Variants in CCDC171 observed in about 807,000 individuals in gnomAD.
CCDC171 encodes coiled-coil domain containing 171.
Under a neutral mutation model 168.2 loss-of-function variants are expected in CCDC171, and 177 were observed. The ratio of observed to expected loss-of-function variants is 1.05; its 90% CI spans 0.93 to 1.19. CCDC171 has a LOEUF of 1.19. CCDC171 is among the 50% of genes most tolerant of loss of function. CCDC171 has a pLI of 0.00. For synonymous variants in CCDC171, 687 were observed against 540.8 expected (o/e 1.27, Z -3.75); for missense variants, 1,991 against 1,539.0 (o/e 1.29, Z -4.91).
chr9:15,642,911 C>T (rs10810419), intron 7 of CCDC171, among the ~76,000 whole-genome samples: 68,925 of 151,864 alleles, frequency 0.45, 15,934 homozygotes, highest in Non-Finnish European at 0.51. Flanking sequence ...CTTGAATTTT[C>T]GATTCATTAT....
At chr9:15,677,723 T>C (rs1356596619) in intron 9 of CCDC171, among the ~76,000 whole-genome samples, 1 of 149,628 alleles carries the variant, frequency 6.7e-6, no homozygotes, top group Admixed American at 6.7e-5. Context: ...TACATATATA[T>C]TTTTTCTCCC....
the CCDC171 span, among the ~76,000 whole-genome samples, chr9:16,099,847 G>A: frequency 6.6e-6 from 1 of 152,182 alleles, no homozygotes. Flanking sequence ...ACAAGTTAGT[G>A]CATGTTGGCC....
intron 25 of CCDC171, among the ~76,000 whole-genome samples, chr9:15,930,408 A>T (rs1826372593): frequency 6.6e-6 from 1 of 151,654 alleles, no homozygotes; most frequent in East Asian, 1.9e-4. Context: ...TTTCCTAAAA[A>T]AAAAAGACAA....
intron 9 of CCDC171, among the ~76,000 whole-genome samples, chr9:15,673,656 A>G (rs1359559412): frequency 2.0e-5 from 3 of 152,146 alleles, no homozygotes; most frequent in African/African-American, 4.8e-5. Flanking sequence ...ACATTTATTC[A>G]TTTGCATATA....
chr9:15,648,755 A>G (rs1198397031), intron 7 of CCDC171, among the ~76,000 whole-genome samples: 7 of 152,186 alleles, frequency 4.6e-5, no homozygotes, highest in African/African-American at 1.7e-4. Flanking sequence ...AGAGGATACA[A>G]ACAAATGGAA....
chr9:15,604,463 T>C (rs1025746534), intron 6 of CCDC171, among the ~76,000 whole-genome samples: 3 of 152,216 alleles, frequency 2.0e-5, no homozygotes, highest in African/African-American at 7.2e-5. Flanking sequence ...AAGATGAATA[T>C]ATATGTTTTC....
At chr9:15,563,956 G>T (rs541598890) in intron 1 of CCDC171, 22 bp from the exon 2 acceptor site, 5 of 670,974 alleles carry the variant, frequency 7.5e-6, no homozygotes, top group South Asian at 7.2e-5. Flanking sequence ...AACTGCTATT[G>T]TATCATTTAC....
At chr9:15,654,116 G>C (rs1161855670) in intron 7 of CCDC171, among the ~76,000 whole-genome samples, 3 of 151,794 alleles carry the variant, frequency 2.0e-5, no homozygotes, top group Non-Finnish European at 4.4e-5. Context: ...ATAAATGTCA[G>C]ATTTTATTCA....
Position 15,635,047 on chromosome 9 carries a change from G to A in CCDC171, c.822+11634G>A, listed in dbSNP as rs1189135624. Among the ~76,000 whole-genome samples the A allele has an allele frequency of 7.9e-5, 12 of 152,114 alleles. 1 individual carries two copies. In the East Asian group the frequency reaches 2.3e-3, roughly 29 times the overall value. On this transcript the variant is annotated intron_variant, in intron 7 of 25. Coordinates refer to ENST00000380701, the MANE Select transcript of CCDC171 (RefSeq NM_173550.4). ...TTGTGTCTCTGTCCATCAGTTGATG[G>A]ACGTTTGTGTTTGTATTTGTCAGGG...
intron 7 of CCDC171, among the ~76,000 whole-genome samples, chr9:15,630,843 A>G (rs1163135165): frequency 1.3e-5 from 2 of 152,234 alleles, no homozygotes; most frequent in African/African-American, 4.8e-5. Flanking sequence ...AGTGCAATCA[A>G]ACTAGAACTC....
chr9:15,848,524 A>T (rs2060996446), intron 22 of CCDC171, among the ~76,000 whole-genome samples: 1 of 151,908 alleles, frequency 6.6e-6, no homozygotes, highest in Admixed American at 6.6e-5. Flanking sequence ...TTCATTAGAA[A>T]TAAAAGAATA....
rs752738900 is a variant in CCDC171 at position 15,779,092 on chromosome 9, A to G, written c.3023A>G (p.Lys1008Arg). 7 of 1,603,720 alleles carry G rather than the reference A, an allele frequency of 4.4e-6. No homozygotes were observed. Among genetic ancestry groups the G allele is most frequent in the Non-Finnish European group, 6.0e-6 (7 of 1,175,648 alleles). ...TTCAAACGAAGTGTGAATGAAATGA[A>G]AAAGGAGCTTGACAAAGCCCAGGGT... ...TEFKRSVNEM[K>R]KELDKAQGLQ... The change falls in exon 20 of 26, where the codon AAA (lysine) becomes AGA (arginine). Residue 1008 changes from lysine to arginine, a missense_variant. By Grantham distance (26) the Lys-to-Arg change is conservative. Coordinates refer to ENST00000380701, the MANE Select transcript of CCDC171 (RefSeq NM_173550.4).
At chr9:15,746,983 G>T (rs1360456997) in intron 18 of CCDC171, among the ~76,000 whole-genome samples, 1 of 152,202 alleles carries the variant, frequency 6.6e-6, no homozygotes, top group Non-Finnish European at 1.5e-5. Context: ...CATGCCCACA[G>T]AGCCCAGCAA....
At chr9:15,926,995 A>G (rs1434043175) in intron 25 of CCDC171, among the ~76,000 whole-genome samples, 1 of 151,694 alleles carries the variant, frequency 6.6e-6, no homozygotes, top group Non-Finnish European at 1.5e-5. Context: ...TGTACTCATT[A>G]CTATCCTATC....
chr9:16,046,930 C>T (rs1366905281), intron 1 of CCDC171, among the ~76,000 whole-genome samples: 1 of 152,164 alleles, frequency 6.6e-6, no homozygotes, highest in Non-Finnish European at 1.5e-5. Context: ...AGTCGTTCCC[C>T]AGGCATCTCA....
At chr9:15,746,196 G>T (rs972645978) in intron 18 of CCDC171, among the ~76,000 whole-genome samples, 1 of 152,038 alleles carries the variant, frequency 6.6e-6, no homozygotes, top group Non-Finnish European at 1.5e-5. Flanking sequence ...TGTCTGACAG[G>T]TTCAATGAAA....
At chr9:15,822,167 T>C (rs2059803470) in intron 21 of CCDC171, among the ~76,000 whole-genome samples, 1 of 152,152 alleles carries the variant, frequency 6.6e-6, no homozygotes, top group African/African-American at 2.4e-5. Context: ...CCTTACACCT[T>C]ATACAAAAAT....
At chr9:15,619,127 T>C (rs276435) in intron 6 of CCDC171, among the ~76,000 whole-genome samples, 85,146 of 151,774 alleles carry the variant, frequency 0.56, 24,142 homozygotes, top group East Asian at 0.76. Context: ...CGTCTGGCCT[T>C]CCTACTCCTT....
Position 15,651,685 on chromosome 9 carries a change from C to G in CCDC171, c.823-5442C>G, listed in dbSNP as rs1365156483. Among the ~76,000 whole-genome samples the G allele has an allele frequency of 2.5e-4, 38 of 151,654 alleles. 1 individual carries two copies. Among genetic ancestry groups the G allele is most frequent in the Non-Finnish European group, 3.2e-4 (22 of 67,988 alleles). On this transcript the variant is annotated intron_variant, in intron 7 of 25. Coordinates refer to ENST00000380701, the MANE Select transcript of CCDC171 (RefSeq NM_173550.4). Reference sequence around the variant, plus strand: ...TATTGCTGCAAATGACAGCATTTCACTCTTTTTTTTATGGCCAAGTAGTAT... The same window carrying G: ...TATTGCTGCAAATGACAGCATTTCAGTCTTTTTTTTATGGCCAAGTAGTAT...
Sources: allele counts gnomAD v4.1 joint callset (sites outside exome capture counted in the v4.1 genomes callset), GRCh38; gene constraint gnomAD v4.1.1; transcripts MANE v1.5; gene names NCBI Gene and HGNC (gene_info 2026-07-23, HGNC 2026-07-21).